Variants in FHIT observed in about 807,000 individuals in gnomAD.
FHIT encodes the protein bis(5'-adenosyl)-triphosphatase.
A neutral mutation model predicts 17.9 loss-of-function variants in FHIT; 19 were observed. The observed-to-expected ratio is 1.06, with a 90% confidence interval of 0.74 to 1.56. The LOEUF (loss-of-function observed/expected upper bound fraction) is 1.56, where lower values mean the gene tolerates loss of function less well. Ranked by LOEUF, FHIT falls within the 40% of genes most tolerant of loss-of-function variation. The pLI is 0.00. For missense variants in FHIT, 248 were observed against 189.2 expected (o/e 1.31, Z -1.82); for synonymous variants, 81 against 69.7 (o/e 1.16, Z -0.81).
intron 4 of FHIT, among the ~76,000 whole-genome samples, chr3:60,631,454 T>C (rs2039440650): frequency 6.6e-6 from 1 of 152,168 alleles, no homozygotes. Flanking sequence ...CATGCAGAAA[T>C]GCGGAGGGAG....
chr3:61,014,807 A>AAATT (rs1553798839), intron 3 of FHIT, among the ~76,000 whole-genome samples: 4 of 49,116 alleles, frequency 8.1e-5, no homozygotes, highest in African/African-American at 1.6e-4. Context: ...AAAAAAAAAA[A>AAATT]ATATATATAT....
intron 2 of FHIT, among the ~76,000 whole-genome samples, chr3:61,085,798 A>G (rs2035288057): frequency 6.6e-6 from 1 of 152,168 alleles, no homozygotes; most frequent in African/African-American, 2.4e-5. Flanking sequence ...TTAACTTTGT[A>G]TACAGTACAG....
intron 4 of FHIT, among the ~76,000 whole-genome samples, chr3:60,793,081 G>A (rs782333639): frequency 1.3e-5 from 2 of 152,098 alleles, no homozygotes; most frequent in Non-Finnish European, 2.9e-5. Flanking sequence ...AATGTCCAGT[G>A]GAAGAAAGCC....
At chr3:60,528,044 G>A (rs1236267876) in intron 5 of FHIT, among the ~76,000 whole-genome samples, 1 of 152,206 alleles carries the variant, frequency 6.6e-6, no homozygotes, top group Non-Finnish European at 1.5e-5. Context: ...TGCAATCACA[G>A]CTTACTATAA....
intron 4 of FHIT, among the ~76,000 whole-genome samples, chr3:60,642,994 T>C (rs1297206997): frequency 6.6e-6 from 1 of 152,196 alleles, no homozygotes; most frequent in Non-Finnish European, 1.5e-5. Context: ...TTCACAGTTT[T>C]TGGTATGGCT....
At chr3:59,910,394 T>A (rs982389754) in intron 8 of FHIT, among the ~76,000 whole-genome samples, 1 of 152,170 alleles carries the variant, frequency 6.6e-6, no homozygotes, top group Non-Finnish European at 1.5e-5. Context: ...GGGAGGCAGG[T>A]TGCCCCTAAG....
chr3:60,584,455 A>C (rs1313165331), intron 4 of FHIT, among the ~76,000 whole-genome samples: 1 of 152,012 alleles, frequency 6.6e-6, no homozygotes, highest in African/African-American at 2.4e-5. Flanking sequence ...CAGGGAAAGG[A>C]AAGAATTTCC....
intron 3 of FHIT, among the ~76,000 whole-genome samples, chr3:60,887,986 T>TG (rs1705312218): frequency 6.6e-6 from 1 of 152,174 alleles, no homozygotes; most frequent in Non-Finnish European, 1.5e-5. Flanking sequence ...CTCCTTGATT[T>TG]GAGGATAGGG....
At chr3:60,344,008 C>G (rs1024445052) in intron 5 of FHIT, among the ~76,000 whole-genome samples, 1 of 152,198 alleles carries the variant, frequency 6.6e-6, no homozygotes, top group African/African-American at 2.4e-5. Flanking sequence ...CTTTCAAACT[C>G]TATGACTACA....
chr3:60,126,591 C>A (rs544211205), intron 5 of FHIT, among the ~76,000 whole-genome samples: 7 of 152,230 alleles, frequency 4.6e-5, no homozygotes, highest in African/African-American at 1.4e-4. Flanking sequence ...AAAAACCAAA[C>A]CTTGGAAATA....
At chr3:60,337,973 G>A (rs186593500) in intron 5 of FHIT, among the ~76,000 whole-genome samples, 81 of 152,218 alleles carry the variant, frequency 5.3e-4, no homozygotes, top group Non-Finnish European at 9.1e-4. Flanking sequence ...TTACCAGTTC[G>A]AAAAATCGAA....
intron 4 of FHIT, among the ~76,000 whole-genome samples, chr3:60,788,651 G>A (rs1419748673): frequency 6.6e-6 from 1 of 152,102 alleles, no homozygotes; most frequent in Admixed American, 6.6e-5. Context: ...TCCAGGGCAG[G>A]AGACAGGGTG....
intron 5 of FHIT, among the ~76,000 whole-genome samples, chr3:60,283,668 T>G (rs1355368453): frequency 6.6e-6 from 1 of 152,114 alleles, no homozygotes; most frequent in African/African-American, 2.4e-5. Flanking sequence ...ATTTAAGGTT[T>G]TCTTTCTTTC....
At chr3:60,825,758 A>G (rs1202470499) in intron 3 of FHIT, among the ~76,000 whole-genome samples, 1 of 152,160 alleles carries the variant, frequency 6.6e-6, no homozygotes, top group Non-Finnish European at 1.5e-5. Flanking sequence ...CCATCCATGG[A>G]AAAATTATCT....
chr3:60,763,961 C>T (rs543884312), intron 4 of FHIT, among the ~76,000 whole-genome samples: 1 of 152,238 alleles, frequency 6.6e-6, no homozygotes, highest in East Asian at 1.9e-4. Context: ...GGTCTCATTT[C>T]ATTTTCCCTA....
At chr3:60,457,744 C>G (rs1433533011) in intron 5 of FHIT, among the ~76,000 whole-genome samples, 1 of 130,066 alleles carries the variant, frequency 7.7e-6, no homozygotes, top group Non-Finnish European at 1.8e-5. Flanking sequence ...AGAAAAAAAA[C>G]AAAGAATCCC....
chr3:60,367,736 A>C (rs751432453), intron 5 of FHIT, among the ~76,000 whole-genome samples: 2 of 152,200 alleles, frequency 1.3e-5, no homozygotes, highest in African/African-American at 4.8e-5. Context: ...AATTTTAACA[A>C]ATGTATACAC....
At chr3:60,548,627 T>TGTG (rs773789027) in intron 4 of FHIT, among the ~76,000 whole-genome samples, 1 of 152,164 alleles carries the variant, frequency 6.6e-6, no homozygotes, top group Non-Finnish European at 1.5e-5. Flanking sequence ...CTACTCAAAA[T>TGTG]GTGGTCCTCT....
intron 4 of FHIT, among the ~76,000 whole-genome samples, chr3:60,656,975 T>C (rs1300691530): frequency 8.6e-5 from 5 of 58,220 alleles, no homozygotes; most frequent in African/African-American, 2.3e-4. Flanking sequence ...TTTTTTTATG[T>C]CCACACAAAA....
Sources: allele counts gnomAD v4.1 joint callset (sites outside exome capture counted in the v4.1 genomes callset), GRCh38; gene constraint gnomAD v4.1.1; transcripts MANE v1.5; gene names NCBI Gene and HGNC (gene_info 2026-07-23, HGNC 2026-07-21).